The following NEIL1 variants were observed in gnomAD, a reference collection of about 807,000 sequenced individuals.
NEIL1 encodes the protein nei like DNA glycosylase 1, also known as endonuclease 8-like 1.
In NEIL1, 31 loss-of-function variants were observed where a neutral mutation model predicts 44.2. The observed-to-expected ratio is 0.70, with a 90% confidence interval of 0.53 to 0.95. NEIL1 has a LOEUF of 0.95. Ranked by LOEUF, NEIL1 falls within the 40% of genes least tolerant of loss-of-function variation. NEIL1 has a pLI of 0.00. For missense variants in NEIL1, 549 were observed against 515.5 expected (o/e 1.07, Z -0.63); for synonymous variants, 254 against 209.7 (o/e 1.21, Z -1.83).
In NEIL1 at chr15:75,348,521, A is replaced by T. The variant is rs555815112; in HGVS notation, c.-22-363A>T. The T allele has an allele frequency of 9.7e-5, 109 of 1,122,394 alleles. No individual in the cohort carries two copies. In the South Asian group the frequency reaches 2.5e-3, roughly 26 times the overall value. 69.5% of individuals were successfully genotyped at this position (1,122,394 alleles called of 1,614,324 possible). ...CCTCAAGTGTCTGGGACAGAGGGAC[A>T]GCAGGGGCCAAGGCGGAGATGAGAT... On this transcript the variant is annotated intron_variant, in intron 1 of 9. Coordinates refer to ENST00000355059, the MANE Select transcript of NEIL1 (RefSeq NM_024608.4).
At position 75,355,745 on chromosome 15, in the gene NEIL1, C is replaced by T. The variant is rs548988769; in HGVS notation, c.*711C>T. 2 of 766,264 alleles carry T rather than the reference C, an allele frequency of 2.6e-6. No individual in the cohort carries two copies. Among genetic ancestry groups the T allele is most frequent in the African/African-American group, 1.8e-5 (1 of 55,682 alleles). The allele number at this position is 766,264 out of a possible 1,614,324, so 47.5% of individuals were successfully genotyped here. ...GCCATCCCACCCCAGACTTCCCACC[C>T]CCACCCCAAGCGTGAGGATGGGCCC... On this transcript the variant is annotated 3_prime_UTR_variant, in exon 10 of 10. Transcript: ENST00000355059.
rs771218669 is a variant in NEIL1, at chr15:75,349,297, C to G, written c.392C>G (p.Pro131Arg). The change falls in exon 2 of 10, where the codon CCG becomes CGG. Residue 131 changes from proline (P) to arginine (R), a missense_variant. Coordinates refer to ENST00000355059, the MANE Select transcript of NEIL1 (RefSeq NM_024608.4). ...TGGGACCTTGGGGGAAAGTGGCAGC[C>G]GGGCCGCGGGCCCTGTGTCTTGCAG... ...GRWDLGGKWQ[P>R]GRGPCVLQEY... 6 of 1,610,644 alleles carry G rather than the reference C, an allele frequency of 3.7e-6. No homozygotes were observed. Among genetic ancestry groups the G allele is most frequent in the Non-Finnish European group, 5.1e-6 (6 of 1,179,118 alleles).
At position 75,356,583 on chromosome 15, in the gene NEIL1, G is replaced by A; in HGVS notation, c.*1549G>A. On this transcript the variant is annotated 3_prime_UTR_variant, in exon 10 of 10. Transcript: ENST00000355059. The surrounding 1 kb of genome is among the most constrained non-coding windows in gnomAD (Gnocchi z 5.8). ...GAGAGGTGTCTAGGGCTGCAGGAAGGCCCCACCGTCCCCAGCACTCACCCT... is the reference window on the plus strand; with the variant it reads ...GAGAGGTGTCTAGGGCTGCAGGAAGACCCCACCGTCCCCAGCACTCACCCT... The A allele has an allele frequency of 6.4e-7, 1 of 1,553,322 alleles. No individual in the cohort carries two copies. Among genetic ancestry groups the A allele is most frequent in the Non-Finnish European group, 8.7e-7 (1 of 1,148,490 alleles).
chr15:75,348,395 G>A, intron 1 of NEIL1: 2 of 986,494 alleles, frequency 2.0e-6, no homozygotes, highest in Non-Finnish European at 2.4e-6. Flanking sequence ...GGGAGGGGCG[G>A]CCACGCGATC....
At chr15:75,353,657 TCTGGGC>T (rs1462516913) in intron 5 of NEIL1, 76 bp from the exon 6 acceptor site, 2 of 1,459,778 alleles carry the variant, frequency 1.4e-6, no homozygotes, top group Non-Finnish European at 1.9e-6. Context: ...GTAGCTGAGG[TCTGGGC>T]CAGGTCTAAC....
intron 5 of NEIL1, chr15:75,352,934 G>A: frequency 2.2e-6 from 1 of 462,988 alleles, no homozygotes; most frequent in Non-Finnish European, 4.0e-6. Context: ...GAGGTCAGGA[G>A]TTCGAGACCA....
chr15:75,348,769 C>G, intron 1 of NEIL1, 115 bp from the exon 2 acceptor site: 2 of 1,465,002 alleles, frequency 1.4e-6, no homozygotes, highest in Non-Finnish European at 1.8e-6. Flanking sequence ...TCCTGCCAGC[C>G]GCAGCTGGCC....
rs1308803210 is a variant in NEIL1, at chr15:75,353,728, C to G, written c.719-11C>G. The G allele has an allele frequency of 1.2e-6, 2 of 1,613,896 alleles. No homozygotes were observed. The highest frequency in any genetic ancestry group is 1.7e-6 in the Non-Finnish European group (2 of 1,179,888). On this transcript the variant is annotated splice_polypyrimidine_tract_variant and intron_variant, in intron 5 of 9. Coordinates refer to ENST00000355059, the MANE Select transcript of NEIL1 (RefSeq NM_024608.4). ...TGCCCTCTGATCTCTGCCTGTTCCT[C>G]TGTCCCACAGGGGGCAAAGGCTACG...
chr15:75,349,698 C>G (rs2071732437), intron 2 of NEIL1: 1 of 227,876 alleles, frequency 4.4e-6, no homozygotes, highest in South Asian at 7.1e-5. Flanking sequence ...CCTGTAACCC[C>G]AGCTACTTGG....
At chr15:75,348,713 C>A in intron 1 of NEIL1, 171 bp from the exon 2 acceptor site, 2 of 1,433,082 alleles carry the variant, frequency 1.4e-6, no homozygotes, top group Non-Finnish European at 1.8e-6. Context: ...GCTTTCCAGG[C>A]ACCTGTCCGG....
Position 75,356,476 on chromosome 15 carries a change from G to A in NEIL1, c.*1442G>A, listed in dbSNP as rs1460499196. 6.3e-7 allele frequency: 1 copy of A among 1,578,818 alleles called. No homozygotes were observed. Among genetic ancestry groups the A allele is most frequent in the South Asian group, 1.2e-5 (1 of 85,878 alleles). On this transcript the variant is annotated 3_prime_UTR_variant, in exon 10 of 10. Coordinates refer to ENST00000355059, the MANE Select transcript of NEIL1 (RefSeq NM_024608.4). This position sits in a 1 kb window ranked among gnomAD's most constrained non-coding sequence, Gnocchi z 5.8. Reference sequence around the variant, plus strand: ...TGGGGTACGACCAGGAAACAATGCTGGTGGAGAATGGGGGCTACCCTCCCC... The same window carrying A: ...TGGGGTACGACCAGGAAACAATGCTAGTGGAGAATGGGGGCTACCCTCCCC...
Position 75,348,447 on chromosome 15 carries a change from C to T in NEIL1, c.-22-437C>T, listed in dbSNP as rs73436822. On this transcript the variant is annotated intron_variant, in intron 1 of 9. Transcript: ENST00000355059. ...TGGTGGGAGAGCCTGGAGAAAGAGA[C>T]AGCGTGTGCGGAGGGGGTGCTCCCT... 1.5e-3 allele frequency: 1,527 copies of T among 1,019,348 alleles called. 18 individuals are homozygous for T. The African/African-American group carries it at 0.023, about 16-fold the overall frequency. The allele number at this position is 1,019,348 out of a possible 1,614,324, so 63.1% of individuals were successfully genotyped here. A position where few individuals can be genotyped will look rare whatever the true frequency, so the allele number is the denominator to read the frequency against.
rs1434834730 is a variant in NEIL1 at position 75,348,896 on chromosome 15, C to T, written c.-10C>T. On this transcript the variant is annotated 5_prime_UTR_variant, in exon 2 of 10. Transcript: ENST00000355059. The stretch of plus-strand genomic sequence containing the variant: ...TCCTCCCCAACAGGACTCTGCCACC[C>T]TCCCTCAGGATGCCTGAGGGCCCCG... The T allele has an allele frequency of 6.2e-7, 1 of 1,608,952 alleles. No individual in the cohort carries two copies. The highest frequency in any genetic ancestry group is 8.5e-7 in the Non-Finnish European group (1 of 1,178,898).
rs762969223 is a variant in NEIL1, at chr15:75,355,005, T to A, written c.1144T>A (p.Leu382Met). The A allele has an allele frequency of 6.2e-7, 1 of 1,614,058 alleles. No individual in the cohort carries two copies. The highest frequency in any genetic ancestry group is 8.5e-7 in the Non-Finnish European group (1 of 1,179,966). ...PRKVKADIPS[L>M]EPEGTSAS ...GAAGGTCAAGGCTGACATCCCATCC[T>A]TGGAACCAGAGGGGACCTCAGCCTC... The change falls in exon 10 of 10, where the codon TTG becomes ATG. Residue 382 changes from leucine to methionine, a missense_variant. Leu to Met is a conservative substitution (Grantham distance 15). Coordinates refer to ENST00000355059, the MANE Select transcript of NEIL1 (RefSeq NM_024608.4).
Position 75,356,513 on chromosome 15 carries a change from GGGGCAGGAAGCCA to G in NEIL1, c.*1482_*1494del. 6.4e-7 allele frequency: 1 copy of G among 1,558,856 alleles called. No individual in the cohort carries two copies. The highest frequency in any genetic ancestry group is 8.7e-7 in the Non-Finnish European group (1 of 1,151,210). The stretch of plus-strand genomic sequence containing the variant: ...GGGCTACCCTCCCCTGTCCCTAGAA[GGGGCAGGAAGCCA>G]GGTTGCTGGGGTTTGGGCTCAGGGA... On this transcript the variant is annotated 3_prime_UTR_variant, in exon 10 of 10. Coordinates refer to ENST00000355059, the MANE Select transcript of NEIL1 (RefSeq NM_024608.4). The surrounding 1 kb of genome is among the most constrained non-coding windows in gnomAD (Gnocchi z 5.8).
At position 75,355,760 on chromosome 15, in the gene NEIL1, A is replaced by T; in HGVS notation, c.*726A>T. On this transcript the variant is annotated 3_prime_UTR_variant, in exon 10 of 10. Transcript: ENST00000355059. ...ACTTCCCACCCCCACCCCAAGCGTG[A>T]GGATGGGCCCTAAGGGGACTGAGCA... 5 of 484,778 alleles carry T rather than the reference A, an allele frequency of 1.0e-5. No individual in the cohort carries two copies. Among genetic ancestry groups the T allele is most frequent in the Non-Finnish European group, 1.4e-5 (4 of 284,674 alleles). 30.0% of individuals were successfully genotyped at this position (484,778 alleles called of 1,614,324 possible).
Position 75,354,689 on chromosome 15 carries a change from C to G in NEIL1, c.973C>G (p.Arg325Gly). The G allele has an allele frequency of 6.2e-7, 1 of 1,614,152 alleles. No individual in the cohort carries two copies. Among genetic ancestry groups the G allele is most frequent in the Non-Finnish European group, 8.5e-7 (1 of 1,180,028 alleles). Residue 325 changes from arginine (R) to glycine (G), a missense_variant, in exon 9 of 10, where the codon CGA becomes GGA. Coordinates refer to ENST00000355059, the MANE Select transcript of NEIL1 (RefSeq NM_024608.4). Reference protein sequence around the residue: ...LPPSKAPSRTRRAKRDLPKRT... With the variant: ...LPPSKAPSRTGRAKRDLPKRT... The stretch of plus-strand genomic sequence containing the variant: ...TCCAAGCAAGGCCCCTTCCAGGACA[C>G]GAAGGGCAAAGAGAGACCTTCCTAA...
rs775916608 is a variant in NEIL1, at chr15:75,355,747, C to A, written c.*713C>A. 3.9e-6 allele frequency: 3 copies of A among 772,192 alleles called. No individual in the cohort carries two copies. Among genetic ancestry groups the A allele is most frequent in the African/African-American group, 3.6e-5 (2 of 55,816 alleles). 47.8% of individuals were successfully genotyped at this position (772,192 alleles called of 1,614,324 possible). A position where few individuals can be genotyped will look rare whatever the true frequency, so the allele number is the denominator to read the frequency against. ...CATCCCACCCCAGACTTCCCACCCC[C>A]ACCCCAAGCGTGAGGATGGGCCCTA... On this transcript the variant is annotated 3_prime_UTR_variant, in exon 10 of 10. Transcript: ENST00000355059.
Position 75,355,812 on chromosome 15 carries a change from T to C in NEIL1, c.*778T>C. On this transcript the variant is annotated 3_prime_UTR_variant, in exon 10 of 10. Coordinates refer to ENST00000355059, the MANE Select transcript of NEIL1 (RefSeq NM_024608.4). ...CAGGGTTCCCGATCCAAGGATTTAT[T>C]CCACAAGAAAAGACTGATCCCTGCT... 1 of 1,488,708 alleles carries C rather than the reference T, an allele frequency of 6.7e-7. No homozygotes were observed. Among genetic ancestry groups the C allele is most frequent in the Non-Finnish European group, 9.2e-7 (1 of 1,086,922 alleles). 92.2% of individuals were successfully genotyped at this position (1,488,708 alleles called of 1,614,324 possible).
Sources: allele counts gnomAD v4.1 joint callset, GRCh38; gene constraint gnomAD v4.1.1; non-coding constraint Gnocchi (gnomAD v3.1); transcripts MANE v1.5; gene names NCBI Gene and HGNC (gene_info 2026-07-23, HGNC 2026-07-21).